The following WDR64 variants were observed in gnomAD, a reference collection of about 807,000 sequenced individuals.
The protein encoded by WDR64 is WD repeat domain 64.
A neutral mutation model predicts 139.3 loss-of-function variants in WDR64; 112 were observed. The ratio of observed to expected loss-of-function variants is 0.80; its 90% CI spans 0.69 to 0.94. The LOEUF is 0.94. WDR64 is among the 40% of genes least tolerant of loss of function. WDR64 has a pLI of 0.00. For synonymous variants in WDR64, 444 were observed against 437.7 expected, an observed-to-expected ratio of 1.01 and a Z score of -0.18; for missense variants, 1,206 against 1,293.1, an observed-to-expected ratio of 0.93 and a Z score of 1.03.
At chr1:241,726,481 G>T (rs945691520) in intron 10 of WDR64, among the ~76,000 whole-genome samples, 1 of 152,038 alleles carries the variant, frequency 6.6e-6, no homozygotes, top group African/African-American at 2.4e-5. Flanking sequence ...CTAAAAGCGG[G>T]TGAGTTTTAA....
At chr1:241,777,743 T>C (rs1658711374) in intron 21 of WDR64, among the ~76,000 whole-genome samples, 1 of 152,164 alleles carries the variant, frequency 6.6e-6, no homozygotes, top group East Asian at 1.9e-4. Flanking sequence ...ACAAAATACT[T>C]TTAAATTTCC....
At chr1:241,747,025 T>G (rs574646989) in intron 13 of WDR64, among the ~76,000 whole-genome samples, 18 of 152,356 alleles carry the variant, frequency 1.2e-4, no homozygotes, top group African/African-American at 4.1e-4. Context: ...CATCCCAAAG[T>G]GCTGGGATTA....
chr1:241,783,727 CATAGAAAAGTA>C (rs1658934007), intron 23 of WDR64, among the ~76,000 whole-genome samples: 1 of 151,984 alleles, frequency 6.6e-6, no homozygotes, highest in Non-Finnish European at 1.5e-5. Flanking sequence ...AATCAGAAGT[CATAGAAAAGTA>C]ATAGAAAAGA....
rs1440716143 is a variant in WDR64 at position 241,802,518 on chromosome 1, A to T, written c.*1303A>T. ...AGGTGTGCATTTCAAAATTTATTGG[A>T]TGATATTTCTGCATTTCGTTGTATG... On this transcript the variant is annotated 3_prime_UTR_variant, in exon 28 of 28. Coordinates refer to ENST00000437684, the MANE Select transcript of WDR64 (RefSeq NM_001367482.1). Among the ~76,000 whole-genome samples, 2 of 152,194 alleles carry T rather than the reference A, an allele frequency of 1.3e-5. No individual in the cohort carries two copies.
At chr1:241,741,041 A>C (rs1669520768) in intron 11 of WDR64, among the ~76,000 whole-genome samples, 1 of 152,208 alleles carries the variant, frequency 6.6e-6, no homozygotes, top group Non-Finnish European at 1.5e-5. Flanking sequence ...TACATTTAAT[A>C]AGACCATGTT....
At chr1:241,794,504 G>GCTTTT (rs780489411) in intron 25 of WDR64, among the ~76,000 whole-genome samples, 31 of 81,456 alleles carry the variant, frequency 3.8e-4, no homozygotes, top group African/African-American at 1.3e-3. Context: ...AAGCTTTACT[G>GCTTTT]TTTTTTTTTT....
intron 8 of WDR64, among the ~76,000 whole-genome samples, chr1:241,689,745 A>C (rs1302471421): frequency 4.6e-5 from 7 of 152,224 alleles, no homozygotes; most frequent in African/African-American, 1.7e-4. Context: ...ACAGACGGGC[A>C]TTGTAAACAG....
At chr1:241,767,301 C>A (rs1175049084) in intron 16 of WDR64, among the ~76,000 whole-genome samples, 1 of 151,728 alleles carries the variant, frequency 6.6e-6, no homozygotes, top group Non-Finnish European at 1.5e-5. Context: ...GGACTATGGC[C>A]AAGATCTTAC....
chr1:241,687,711 T>TA, intron 8 of WDR64, 116 bp downstream of exon 8: 1 of 1,066,202 alleles, frequency 9.4e-7, no homozygotes, highest in Non-Finnish European at 1.3e-6. Context: ...GGACATTAAC[T>TA]ATTCCATTTG....
chr1:241,755,103 G>T (rs147987710), intron 14 of WDR64, among the ~76,000 whole-genome samples: 23,541 of 152,126 alleles, frequency 0.15, 2,304 homozygotes, highest in Middle Eastern at 0.32. Context: ...GGATTGCTGG[G>T]TCTAATGGTA....
chr1:241,669,133 C>T (rs902588018), intron 2 of WDR64, among the ~76,000 whole-genome samples: 1 of 152,072 alleles, frequency 6.6e-6, no homozygotes, highest in African/African-American at 2.4e-5. Context: ...CAAAACAAAA[C>T]GAAAACAAAA....
chr1:241,733,974 C>A (rs748693079), intron 10 of WDR64, among the ~76,000 whole-genome samples: 1 of 152,070 alleles, frequency 6.6e-6, no homozygotes. Context: ...TTAATTAATA[C>A]GTGAAGGGAA....
rs546907558 is a variant in WDR64, at chr1:241,703,253, G to A, written c.975-8549G>A. 3.5e-4 allele frequency among the ~76,000 whole-genome samples: 53 copies of A among 152,164 alleles called. No homozygotes were observed. Among genetic ancestry groups the A allele is most frequent in the Admixed American group, 6.5e-4 (10 of 15,282 alleles). ...ACACAGTTCCCCTGGGATGCTTCCC[G>A]TCTGCAGCATTGCCTTCCATTCAGT... On this transcript the variant is annotated intron_variant, in intron 8 of 27. Transcript: ENST00000437684. The surrounding 1 kb of genome is among the most constrained non-coding windows in gnomAD (Gnocchi z 5.9).
At chr1:241,741,255 A>G (rs995960805) in intron 11 of WDR64, among the ~76,000 whole-genome samples, 9 of 152,260 alleles carry the variant, frequency 5.9e-5, no homozygotes, top group South Asian at 2.1e-4. Flanking sequence ...AAGGATATCA[A>G]TGAAGTCCAA....
At chr1:241,682,412 C>T (rs778713237) in intron 6 of WDR64, among the ~76,000 whole-genome samples, 7 of 152,148 alleles carry the variant, frequency 4.6e-5, no homozygotes, top group African/African-American at 1.4e-4. Flanking sequence ...TTTTTGTCTG[C>T]GTTGTTGAAG....
intron 14 of WDR64, among the ~76,000 whole-genome samples, chr1:241,756,873 T>A (rs557420124): frequency 2.6e-4 from 40 of 152,296 alleles, no homozygotes; most frequent in African/African-American, 9.4e-4. Flanking sequence ...TATTACACGA[T>A]AAAGCAGTTA....
intron 2 of WDR64, among the ~76,000 whole-genome samples, chr1:241,665,725 A>T (rs932350209): frequency 2.0e-5 from 3 of 152,186 alleles, no homozygotes; most frequent in Non-Finnish European, 4.4e-5. Context: ...TTAATGGAAA[A>T]GTCTGGTGCA....
intron 11 of WDR64, 120 bp downstream of exon 11, chr1:241,738,609 A>T (rs1460706401): frequency 9.6e-7 from 1 of 1,045,466 alleles, no homozygotes. Context: ...TTATCAAACC[A>T]TGATTCGTGA....
Position 241,727,889 on chromosome 1 carries a change from AAAG to A in WDR64, c.1194+4462_1194+4464del, listed in dbSNP as rs567509114. On this transcript the variant is annotated intron_variant, in intron 10 of 27. Coordinates refer to ENST00000437684, the MANE Select transcript of WDR64 (RefSeq NM_001367482.1). Reference sequence around the variant, plus strand: ...ACCCCATCTCTACAAAAACAAAGAAAAAGAAGAAGAAAAGAAATAGAAAACATA... The same window carrying A: ...ACCCCATCTCTACAAAAACAAAGAAAAAGAAGAAAAGAAATAGAAAACATA... Among the ~76,000 whole-genome samples the A allele has an allele frequency of 2.6e-3, 395 of 152,264 alleles. 2 individuals carry two copies. Among genetic ancestry groups the A allele is most frequent in the Non-Finnish European group, 3.5e-3 (237 of 68,028 alleles).
Sources: gnomAD v4.1 joint callset for allele counts (sites outside exome capture counted in the v4.1 genomes callset) on GRCh38, gnomAD v4.1.1 for gene constraint, Gnocchi (gnomAD v3.1) non-coding constraint, MANE v1.5 for transcripts, NCBI Gene and HGNC (gene_info 2026-07-23, HGNC 2026-07-21) for gene names.